LINGO2: variants seen among roughly 807,000 people sequenced by gnomAD.
LINGO2 encodes leucine rich repeat and Ig domain containing 2.
Under a neutral mutation model 30.6 loss-of-function variants are expected in LINGO2, and 14 were observed. That is an observed-to-expected ratio of 0.46 (90% CI 0.30 to 0.72). The LOEUF is 0.72. Among genes scored for constraint, LINGO2 ranks in the 30% least tolerant of loss-of-function variants. The pLI, the probability that LINGO2 is intolerant of heterozygous loss-of-function variation, is 0.07. For synonymous variants in LINGO2, 317 were observed against 288.5 expected, an observed-to-expected ratio of 1.10 and a Z score of -1.00; for missense variants, 729 against 751.7, an observed-to-expected ratio of 0.97 and a Z score of 0.35.
chr9:28,018,708 G>A (rs1425689905), intron 4 of LINGO2, among the ~76,000 whole-genome samples: 1 of 152,024 alleles, frequency 6.6e-6, no homozygotes, highest in Non-Finnish European at 1.5e-5. Context: ...ATGAAGGCAA[G>A]GTTGAAGAGA....
the LINGO2 span, among the ~76,000 whole-genome samples, chr9:28,822,332 C>T: frequency 2.0e-5 from 3 of 152,154 alleles, no homozygotes; most frequent in African/African-American, 4.8e-5. Context: ...ACATGCTAAA[C>T]TGATCACAAT....
At chr9:28,774,681 C>CAGGG in the LINGO2 span, among the ~76,000 whole-genome samples, 2 of 152,120 alleles carry the variant, frequency 1.3e-5, no homozygotes, top group South Asian at 4.2e-4. Flanking sequence ...TCTAAATCCA[C>CAGGG]AGGGAGGATA....
At chr9:28,312,167 T>G (rs1272431552) in intron 3 of LINGO2, among the ~76,000 whole-genome samples, 1 of 151,592 alleles carries the variant, frequency 6.6e-6, no homozygotes, top group Non-Finnish European at 1.5e-5. Flanking sequence ...TTTTTTTGTA[T>G]CCAGATACCA....
the LINGO2 span, among the ~76,000 whole-genome samples, chr9:29,126,139 T>TATCA: frequency 6.6e-6 from 1 of 152,132 alleles, no homozygotes; most frequent in African/African-American, 2.4e-5. Flanking sequence ...TCTTTCAATC[T>TATCA]ATCAATCAAT....
At chr9:28,080,419 G>T (rs1825741454) in intron 4 of LINGO2, among the ~76,000 whole-genome samples, 1 of 152,094 alleles carries the variant, frequency 6.6e-6, no homozygotes, top group Non-Finnish European at 1.5e-5. Context: ...CTGCTTTAGA[G>T]ACTGTAGATT....
the LINGO2 span, among the ~76,000 whole-genome samples, chr9:28,759,894 A>G: frequency 3.9e-5 from 6 of 151,918 alleles, no homozygotes; most frequent in Admixed American, 6.6e-5. Context: ...CATGGGTCAG[A>G]CCCCACTTTA....
chr9:28,595,569 A>C (rs949157022), intron 1 of LINGO2, among the ~76,000 whole-genome samples: 5 of 152,148 alleles, frequency 3.3e-5, no homozygotes, highest in Non-Finnish European at 5.9e-5. Context: ...TGTAGCAGTT[A>C]TACTATTATA....
At chr9:28,044,101 G>A (rs1824310717) in intron 4 of LINGO2, among the ~76,000 whole-genome samples, 1 of 152,136 alleles carries the variant, frequency 6.6e-6, no homozygotes, top group Non-Finnish European at 1.5e-5. Context: ...ACGTATGGAG[G>A]AATGCTTGAA....
At chr9:28,493,064 T>C (rs1826462288) in intron 1 of LINGO2, among the ~76,000 whole-genome samples, 1 of 152,102 alleles carries the variant, frequency 6.6e-6, no homozygotes, top group African/African-American at 2.4e-5. Flanking sequence ...AAAGGTGTGT[T>C]TCTTAAAGGA....
chr9:28,718,772 G>A, the LINGO2 span, among the ~76,000 whole-genome samples: 1 of 152,070 alleles, frequency 6.6e-6, no homozygotes, highest in African/African-American at 2.4e-5. Context: ...TAGCTTTGCT[G>A]ACAATGTGTG....
intron 2 of LINGO2, among the ~76,000 whole-genome samples, chr9:28,461,457 C>G (rs958244829): frequency 1.3e-5 from 2 of 152,198 alleles, no homozygotes; most frequent in South Asian, 2.1e-4. Flanking sequence ...AAACAAAGTC[C>G]TAATGACTTA....
At chr9:28,579,061 C>CTTTTTTTTTTT (rs34468047) in intron 1 of LINGO2, among the ~76,000 whole-genome samples, 1 of 150,048 alleles carries the variant, frequency 6.7e-6, no homozygotes, top group African/African-American at 2.4e-5. Context: ...CATAAGAGCT[C>CTTTTTTTTTTT]TTTTTTTTTT....
the LINGO2 span, among the ~76,000 whole-genome samples, chr9:28,945,655 C>G: frequency 6.6e-6 from 1 of 152,088 alleles, no homozygotes; most frequent in Non-Finnish European, 1.5e-5. Flanking sequence ...CTCAACCTAT[C>G]GTACTGAAGC....
At chr9:28,907,530 A>T in the LINGO2 span, among the ~76,000 whole-genome samples, 4 of 151,830 alleles carry the variant, frequency 2.6e-5, no homozygotes, top group African/African-American at 9.7e-5. Context: ...GACAGTGCAA[A>T]GCAAGTAGAC....
chr9:28,814,689 C>T, the LINGO2 span, among the ~76,000 whole-genome samples: 1 of 152,170 alleles, frequency 6.6e-6, no homozygotes, highest in African/African-American at 2.4e-5. Context: ...AGTTCGAGAC[C>T]AGCCTGGCCA....
At chr9:28,636,170 C>T (rs1388122304) in intron 1 of LINGO2, among the ~76,000 whole-genome samples, 1 of 152,120 alleles carries the variant, frequency 6.6e-6, no homozygotes, top group African/African-American at 2.4e-5. Flanking sequence ...TTTTTTATGG[C>T]TGCGTAGTAT....
chr9:28,948,806 T>C, the LINGO2 span, among the ~76,000 whole-genome samples: 7 of 152,156 alleles, frequency 4.6e-5, no homozygotes, highest in Admixed American at 1.3e-4. Flanking sequence ...AATTTTAAAT[T>C]AGTCACTTTA....
chr9:28,548,728 A>AATAATAAT (rs1822096079), intron 1 of LINGO2, among the ~76,000 whole-genome samples: 8 of 139,660 alleles, frequency 5.7e-5, no homozygotes, highest in African/African-American at 2.1e-4. Context: ...AAAAAAAAAA[A>AATAATAAT]AATATTTGAT....
the LINGO2 span, among the ~76,000 whole-genome samples, chr9:28,902,697 A>C: frequency 0.9 from 136,242 of 152,076 alleles, 61,316 homozygotes; most frequent in Non-Finnish European, 0.94. Flanking sequence ...CTTCTGACCA[A>C]AACAGTACAA....
Sources: allele counts gnomAD v4.1 joint callset (sites outside exome capture counted in the v4.1 genomes callset), GRCh38; gene constraint gnomAD v4.1.1; transcripts MANE v1.5; gene names NCBI Gene and HGNC (gene_info 2026-07-23, HGNC 2026-07-21).